The following PLEKHM2 variants were observed in gnomAD, a reference collection of about 807,000 sequenced individuals.
PLEKHM2 encodes the protein pleckstrin homology domain-containing family M member 2.
Under a neutral mutation model 116.3 loss-of-function variants are expected in PLEKHM2, and 77 were observed. The observed-to-expected ratio is 0.66, with a 90% CI of 0.55 to 0.80. The LOEUF is 0.80. Ranked by LOEUF, PLEKHM2 falls within the 30% of genes least tolerant of loss-of-function variation. The pLI, the probability that PLEKHM2 is intolerant of heterozygous loss-of-function variation, is 0.00. For missense variants in PLEKHM2, 1,183 were observed against 1,354.9 expected (o/e 0.87, Z 1.99); for synonymous variants, 562 against 571.0 (o/e 0.98, Z 0.22).
At chr1:15,684,061 T>C (rs1230306771), upstream of PLEKHM2, among the ~76,000 whole-genome samples, 2 of 137,670 alleles carry the variant, frequency 1.5e-5, no homozygotes, top group Admixed American at 7.1e-5. Context: ...GAGGAGGGCT[T>C]GGGGAGGGTC....
intron 1 of PLEKHM2, among the ~76,000 whole-genome samples, chr1:15,698,134 C>T (rs1641036289): frequency 6.6e-6 from 1 of 152,234 alleles, no homozygotes; most frequent in Admixed American, 6.5e-5. Context: ...ACACGCCCTT[C>T]CTGGCTAGGG....
chr1:15,730,026 C>T, intron 14 of PLEKHM2, 97 bp downstream of exon 14: 1 of 547,088 alleles, frequency 1.8e-6, no homozygotes. Flanking sequence ...GATGTCTTTG[C>T]CATTTCACAA....
rs762559192 is a variant in PLEKHM2, at chr1:15,719,874, C to T, written c.606C>T (p.Ser202=). ...TCAACTCTTTCAACTCCGTCACCTCCACCAACCTGGAGTGGGATGACAGTG... is the reference window on the plus strand; with the variant it reads ...TCAACTCTTTCAACTCCGTCACCTCTACCAACCTGGAGTGGGATGACAGTG... ...LSLNSFNSVT[S]TNLEWDDSAI... The change falls in exon 6 of 20, where the codon TCC becomes TCT. Residue 202 remains serine, a synonymous_variant. Coordinates refer to ENST00000375799, the MANE Select transcript of PLEKHM2 (RefSeq NM_015164.4). This position sits in a 1 kb window ranked among gnomAD's most constrained non-coding sequence, Gnocchi z 4.1. The T allele has an allele frequency of 2.0e-5, 32 of 1,613,728 alleles. No homozygotes were observed. The highest frequency in any genetic ancestry group is 5.0e-5 in the Admixed American group (3 of 59,956).
In PLEKHM2 at chr1:15,733,871, C is replaced by T. The variant is rs762872715; in HGVS notation, c.2997C>T (p.His999=). 9 of 1,612,902 alleles carry T rather than the reference C, an allele frequency of 5.6e-6. No homozygotes were observed. The highest frequency in any genetic ancestry group is 1.6e-4 in the Middle Eastern group (1 of 6,084). The change falls in exon 20 of 20, where the codon CAC becomes CAT. Residue 999 remains histidine (H), a synonymous_variant. Coordinates refer to ENST00000375799, the MANE Select transcript of PLEKHM2 (RefSeq NM_015164.4). The part of the protein sequence containing the change: ...KKFEDALSLI[H]SAWQRSDSLC... Reference sequence around the variant, plus strand: ...TCGAGGATGCCTTGAGCCTCATCCACAGCGCCTGGCAGCGGAGCGACAGTC... The same window carrying T: ...TCGAGGATGCCTTGAGCCTCATCCATAGCGCCTGGCAGCGGAGCGACAGTC...
At chr1:15,683,910 G>C (rs1385046858), upstream of PLEKHM2, among the ~76,000 whole-genome samples, 8 of 141,118 alleles carry the variant, frequency 5.7e-5, no homozygotes, top group Non-Finnish European at 4.7e-5. Context: ...GGAATCTGTG[G>C]GCTGACGAGG....
intron 1 of PLEKHM2, among the ~76,000 whole-genome samples, chr1:15,689,260 AAG>A (rs1200302347): frequency 2.7e-5 from 4 of 149,238 alleles, no homozygotes; most frequent in African/African-American, 7.5e-5. Flanking sequence ...AAAAAAAAAA[AAG>A]AAAGAAAGAA....
rs1199121992 is a variant in PLEKHM2, at chr1:15,734,282, C to CA, written c.*352dup. The stretch of plus-strand genomic sequence containing the variant: ...AGAACACCATCCATCTAAGGACGAA[C>CA]AAAAGAACCAGGAGGGCGGGACCCC... On this transcript the variant is annotated 3_prime_UTR_variant, in exon 20 of 20. Coordinates refer to ENST00000375799, the MANE Select transcript of PLEKHM2 (RefSeq NM_015164.4). 2 of 244,554 alleles carry CA rather than the reference C, an allele frequency of 8.2e-6. No individual in the cohort carries two copies. The highest frequency in any genetic ancestry group is 1.6e-5 in the Non-Finnish European group (2 of 127,612). The allele number at this position is 244,554 out of a possible 1,614,324, so 15.1% of individuals were successfully genotyped here.
At position 15,727,588 on chromosome 1, in the gene PLEKHM2, G is replaced by A. The variant is rs1266053862; in HGVS notation, c.1516G>A (p.Gly506Arg). ...TGAGGCTGCTGGCCAAGAAGAAGAG[G>A]GAGGAGGAGGAGAGGGACAGACGCC... ...SPEAAGQEEEGGGGEGQTPRP... is the reference protein window; with the variant it reads ...SPEAAGQEEERGGGEGQTPRP... The change falls in exon 9 of 20, where the codon GGA becomes AGA. Residue 506 changes from glycine (G) to arginine (R), a missense_variant. By Grantham distance (125) the Gly-to-Arg change is moderately radical (BLOSUM62 -2). Around this residue, in one of 3 missense-constraint regions of PLEKHM2, gnomAD observed 594 missense variants for 720.1 expected, o/e 0.82. Coordinates refer to ENST00000375799, the MANE Select transcript of PLEKHM2 (RefSeq NM_015164.4). The surrounding 1 kb of genome is among the most constrained non-coding windows in gnomAD (Gnocchi z 7.5). The A allele has an allele frequency of 3.2e-6, 5 of 1,578,288 alleles. No individual in the cohort carries two copies. The highest frequency in any genetic ancestry group is 1.4e-5 in the African/African-American group (1 of 73,942).
In PLEKHM2 at chr1:15,734,104, G is replaced by C. The variant is rs1436541068; in HGVS notation, c.*170G>C. 1 of 722,696 alleles carries C rather than the reference G, an allele frequency of 1.4e-6. No homozygotes were observed. Among genetic ancestry groups the C allele is most frequent in the African/African-American group, 1.8e-5 (1 of 55,232 alleles). The allele number at this position is 722,696 out of a possible 1,614,324, so 44.8% of individuals were successfully genotyped here. ...AGGGTCCCTCCACTCCAGGGATCCA[G>C]ATCAGGTGCCCGGCACCCCTGGGCA... On this transcript the variant is annotated 3_prime_UTR_variant, in exon 20 of 20. Coordinates refer to ENST00000375799, the MANE Select transcript of PLEKHM2 (RefSeq NM_015164.4).
At chr1:15,718,097 G>T in intron 4 of PLEKHM2, 105 bp downstream of exon 4, 2 of 743,264 alleles carry the variant, frequency 2.7e-6, no homozygotes, top group Non-Finnish European at 2.3e-6. Context: ...CATCAGTGAT[G>T]CCAGAGAGCC....
intron 7 of PLEKHM2, chr1:15,723,405 C>G (rs2068020203): frequency 6.6e-6 from 1 of 151,276 alleles, no homozygotes; most frequent in African/African-American, 2.4e-5. Flanking sequence ...CTACTCATTG[C>G]CTTTAGCCTC....
intron 1 of PLEKHM2, among the ~76,000 whole-genome samples, chr1:15,711,531 C>T (rs1641329722): frequency 6.6e-6 from 1 of 151,784 alleles, no homozygotes. Flanking sequence ...GCAGGAGAAT[C>T]ACCTGAACCT....
chr1:15,712,118 CAA>C (rs1005404755), intron 1 of PLEKHM2, among the ~76,000 whole-genome samples: 4 of 51,680 alleles, frequency 7.7e-5, no homozygotes, highest in African/African-American at 2.3e-4. Flanking sequence ...GATTCAGTCT[CAA>C]AAAAAAAAAA....
At chr1:15,696,777 A>G (rs538931824) in intron 1 of PLEKHM2, among the ~76,000 whole-genome samples, 1 of 152,350 alleles carries the variant, frequency 6.6e-6, no homozygotes, top group Non-Finnish European at 1.5e-5. Flanking sequence ...ACAGACATCA[A>G]ACAAATTGCA....
Position 15,727,490 on chromosome 1 carries a change from G to C in PLEKHM2, c.1418G>C (p.Ser473Thr). ...DFYRFTVESP[S>T]TVTSGGGHHD... is the part of the protein sequence containing the mutation. ...TACCGCTTTACCGTCGAGAGTCCAA[G>C]CACTGTTACATCAGGTGGCGGCCAC... Residue 473 changes from serine to threonine, a missense_variant, in exon 9 of 20, where the codon AGC (serine) becomes ACC (threonine). Ser to Thr is a moderately conservative substitution (Grantham distance 58). This residue lies in a region of PLEKHM2 where 372 missense variants were observed against 357.2 expected (regional missense o/e 1.04). Transcript: ENST00000375799. The surrounding 1 kb of genome is among the most constrained non-coding windows in gnomAD (Gnocchi z 7.5). 1.3e-6 allele frequency: 2 copies of C among 1,594,110 alleles called. No homozygotes were observed.
chr1:15,730,511 C>T, intron 14 of PLEKHM2, 21 bp from the exon 15 acceptor site: 1 of 1,523,732 alleles, frequency 6.6e-7, no homozygotes, highest in South Asian at 1.3e-5. Flanking sequence ...GCTTTGTCCC[C>T]CGTGCCCGCC....
chr1:15,712,648 C>CTTTT (rs1366648962), intron 1 of PLEKHM2, among the ~76,000 whole-genome samples: 1 of 136,716 alleles, frequency 7.3e-6, no homozygotes, highest in East Asian at 2.1e-4. Flanking sequence ...TCTTATTTTC[C>CTTTT]TTTTTTTTTT....
intron 1 of PLEKHM2, among the ~76,000 whole-genome samples, chr1:15,697,470 G>A (rs75022594): frequency 0.011 from 1,714 of 152,310 alleles, 25 homozygotes; most frequent in South Asian, 0.014. Context: ...CTCCCCTTCC[G>A]GGAAGAGGAA....
chr1:15,695,629 A>G (rs1218197034), intron 1 of PLEKHM2, among the ~76,000 whole-genome samples: 1 of 152,084 alleles, frequency 6.6e-6, no homozygotes. Context: ...CTCCTGCCTC[A>G]GCCTCCCAAG....
Sources: gnomAD v4.1 joint callset for allele counts (sites outside exome capture counted in the v4.1 genomes callset) on GRCh38, gnomAD v4.1.1 for gene constraint, gnomAD v4.1.1 regional missense constraint, Gnocchi (gnomAD v3.1) non-coding constraint, MANE v1.5 for transcripts, NCBI Gene and HGNC (gene_info 2026-07-23, HGNC 2026-07-21) for gene names.